Variants in PDE11A observed in about 807,000 individuals in gnomAD.
The protein encoded by PDE11A is dual 3',5'-cyclic-AMP and -GMP phosphodiesterase 11A.
PDE11A carries 100 observed loss-of-function variants against 100.5 expected under a neutral mutation model. That is an observed-to-expected ratio of 1.00 (90% CI 0.85 to 1.18). The LOEUF (loss-of-function observed/expected upper bound fraction) is 1.18, where lower values mean the gene tolerates loss of function less well. PDE11A is among the 50% of genes most tolerant of loss of function. PDE11A has a pLI of 0.00. For synonymous variants in PDE11A, 381 were observed against 420.8 expected (o/e 0.91, Z 1.16); for missense variants, 1,141 against 1,152.6 (o/e 0.99, Z 0.15).
At chr2:177,699,315 G>T (rs1314826720) in intron 14 of PDE11A, among the ~76,000 whole-genome samples, 3 of 152,128 alleles carry the variant, frequency 2.0e-5, no homozygotes, top group Non-Finnish European at 2.9e-5. Flanking sequence ...TTTAAACATA[G>T]AAAAGGTACA....
At chr2:177,708,492 G>A (rs1176374456) in intron 13 of PDE11A, among the ~76,000 whole-genome samples, 2 of 152,112 alleles carry the variant, frequency 1.3e-5, no homozygotes, top group African/African-American at 4.8e-5. Context: ...GAGGCAGGAG[G>A]GAGAAGAGCA....
At chr2:177,657,904 T>G (rs1488952834) in intron 19 of PDE11A, among the ~76,000 whole-genome samples, 1 of 152,068 alleles carries the variant, frequency 6.6e-6, no homozygotes, top group Non-Finnish European at 1.5e-5. Context: ...AGTTCATGGG[T>G]GCCCCAGGGG....
At chr2:177,996,477 ATAT>A (rs2086077099) in intron 2 of PDE11A, among the ~76,000 whole-genome samples, 1 of 149,888 alleles carries the variant, frequency 6.7e-6, no homozygotes, top group African/African-American at 2.4e-5. Context: ...ACATATATAT[ATAT>A]ATATATGTAT....
At chr2:177,990,673 G>C (rs1372189524) in intron 2 of PDE11A, among the ~76,000 whole-genome samples, 4 of 151,902 alleles carry the variant, frequency 2.6e-5, no homozygotes, top group Non-Finnish European at 5.9e-5. Context: ...AGGAAGTAGA[G>C]GTTGCAGTGA....
intron 9 of PDE11A, among the ~76,000 whole-genome samples, chr2:177,779,369 C>A (rs2082421511): frequency 6.6e-6 from 1 of 152,150 alleles, no homozygotes; most frequent in Non-Finnish European, 1.5e-5. Flanking sequence ...GAGGTTTGCA[C>A]ATGAATTAAC....
At chr2:177,851,399 C>T (rs143722271) in intron 5 of PDE11A, among the ~76,000 whole-genome samples, 4,385 of 151,582 alleles carry the variant, frequency 0.029, 210 homozygotes, top group African/African-American at 0.1. Flanking sequence ...GTGGGGGGAT[C>T]GGGGAGGGAT....
intron 1 of PDE11A, among the ~76,000 whole-genome samples, chr2:178,038,740 C>T (rs1207026409): frequency 1.3e-5 from 2 of 151,948 alleles, no homozygotes; most frequent in South Asian, 4.2e-4. Flanking sequence ...AAATGAGGAC[C>T]CTGTCCATAG....
intron 5 of PDE11A, among the ~76,000 whole-genome samples, chr2:177,866,238 C>T (rs914041026): frequency 6.6e-6 from 1 of 152,190 alleles, no homozygotes; most frequent in Non-Finnish European, 1.5e-5. Flanking sequence ...CTCCACGCCT[C>T]TGGGTCCAAG....
intron 5 of PDE11A, among the ~76,000 whole-genome samples, chr2:177,845,668 G>A (rs1411486997): frequency 6.6e-6 from 1 of 152,204 alleles, no homozygotes; most frequent in Non-Finnish European, 1.5e-5. Context: ...ACTTTGGGAG[G>A]CCAAGGCAGG....
At chr2:177,887,870 T>C (rs1167151785) in intron 4 of PDE11A, among the ~76,000 whole-genome samples, 2 of 152,160 alleles carry the variant, frequency 1.3e-5, no homozygotes. Context: ...TGCTGCCTAG[T>C]GCACTATAAA....
In PDE11A at chr2:177,775,244, G is replaced by A. The variant is rs546099008; in HGVS notation, c.1738-5871C>T. Reference sequence around the variant, plus strand: ...TGTGTTGTTTTAATCCACTAAGATCGTGGTAATTCGTTACAGCAGCCACAG... The same window carrying A: ...TGTGTTGTTTTAATCCACTAAGATCATGGTAATTCGTTACAGCAGCCACAG... On this transcript the variant is annotated intron_variant, in intron 9 of 19. Transcript: ENST00000286063. Among the ~76,000 whole-genome samples, 14 of 152,208 alleles carry A rather than the reference G, an allele frequency of 9.2e-5. 1 individual carries two copies. Among genetic ancestry groups the A allele is most frequent in the South Asian group, 6.2e-4 (3 of 4,826 alleles).
At chr2:177,958,666 G>C (rs2085594817) in intron 2 of PDE11A, among the ~76,000 whole-genome samples, 1 of 152,344 alleles carries the variant, frequency 6.6e-6, no homozygotes, top group African/African-American at 2.4e-5. Flanking sequence ...AATTTCACCA[G>C]AATCAAGCCT....
chr2:177,676,782 G>A (rs1335548574), intron 16 of PDE11A, among the ~76,000 whole-genome samples: 7 of 152,198 alleles, frequency 4.6e-5, no homozygotes, highest in Admixed American at 4.6e-4. Context: ...TGTACTAAGT[G>A]CTTTACTAAC....
chr2:178,022,073 T>C (rs1330816166), intron 1 of PDE11A, among the ~76,000 whole-genome samples: 1 of 152,184 alleles, frequency 6.6e-6, no homozygotes, highest in Non-Finnish European at 1.5e-5. Context: ...GTCTTCATTT[T>C]AGAAAGACTG....
chr2:177,939,525 GAGGGAGGAAGGA>G (rs1314396095), intron 2 of PDE11A, among the ~76,000 whole-genome samples: 95 of 103,568 alleles, frequency 9.2e-4, no homozygotes, highest in African/African-American at 1.3e-3. Flanking sequence ...GGAAGGGAGG[GAGGGAGGAAGGA>G]AGGAAGGAAG....
At chr2:177,906,197 G>A (rs1369688658) in intron 2 of PDE11A, among the ~76,000 whole-genome samples, 1 of 145,002 alleles carries the variant, frequency 6.9e-6, no homozygotes, top group Admixed American at 6.9e-5. Flanking sequence ...ACGCACGCAC[G>A]CACGCACACA....
intron 2 of PDE11A, among the ~76,000 whole-genome samples, chr2:178,079,086 C>T (rs1381663275): frequency 1.3e-5 from 2 of 152,108 alleles, no homozygotes; most frequent in African/African-American, 2.4e-5. Flanking sequence ...AGAGTATAGA[C>T]CTACTAACAA....
At chr2:177,953,191 G>GAAAC (rs540298086) in intron 2 of PDE11A, 1 of 152,098 alleles carries the variant, frequency 6.6e-6, no homozygotes, top group African/African-American at 2.4e-5. Context: ...ATCTCCATCA[G>GAAAC]AAACAAACAA....
intron 15 of PDE11A, among the ~76,000 whole-genome samples, chr2:177,691,234 G>A (rs778863041): frequency 2.0e-5 from 3 of 152,112 alleles, no homozygotes; most frequent in Non-Finnish European, 2.9e-5. Context: ...AACAACCCCT[G>A]TGACTGTATT....
Sources: gnomAD v4.1 joint callset for allele counts (sites outside exome capture counted in the v4.1 genomes callset) on GRCh38, gnomAD v4.1.1 for gene constraint, MANE v1.5 for transcripts, NCBI Gene and HGNC (gene_info 2026-07-23, HGNC 2026-07-21) for gene names.